EHD4: variants seen among roughly 807,000 people sequenced by gnomAD.
EHD4 encodes the protein EH domain containing 4.
EHD4 carries 37 observed loss-of-function variants against 51.0 expected under a neutral mutation model. That is an observed-to-expected ratio of 0.73 (90% CI 0.56 to 0.95). EHD4 has a LOEUF of 0.95. Among genes scored for constraint, EHD4 ranks in the 40% least tolerant of loss-of-function variants. EHD4 has a pLI of 0.00. For missense variants in EHD4, 632 were observed against 733.1 expected (o/e 0.86, Z 1.59); for synonymous variants, 297 against 317.3 (o/e 0.94, Z 0.68).
chr15:41,932,111 G>A (rs1195437108), intron 3 of EHD4, among the ~76,000 whole-genome samples: 4 of 152,164 alleles, frequency 2.6e-5, no homozygotes, highest in Non-Finnish European at 5.9e-5. Flanking sequence ...GTTTGTAACG[G>A]CAAAAGATTA....
rs150020471 is a variant in EHD4 at position 41,930,297 on chromosome 15, A to G, written c.512-10675T>C. On this transcript the variant is annotated intron_variant, in intron 3 of 5. Transcript: ENST00000220325. ...CTCATTTTTCAAGTGGGCTTTGTGT[A>G]TAAGTCAGGCTAGAAAGTCTCATAC... Among the ~76,000 whole-genome samples, 121 of 152,356 alleles carry G rather than the reference A, an allele frequency of 7.9e-4. 1 individual carries two copies. Among genetic ancestry groups the G allele is most frequent in the African/African-American group, 2.8e-3 (118 of 41,578 alleles).
At chr15:41,911,776 C>G (rs1225337674) in intron 4 of EHD4, among the ~76,000 whole-genome samples, 1 of 152,180 alleles carries the variant, frequency 6.6e-6, no homozygotes, top group East Asian at 1.9e-4. Flanking sequence ...CCACCCCCTT[C>G]CCTGCTCTGG....
intron 4 of EHD4, among the ~76,000 whole-genome samples, chr15:41,916,096 A>C (rs77055979): frequency 0.033 from 4,952 of 152,298 alleles, 284 homozygotes; most frequent in African/African-American, 0.11. Flanking sequence ...TCCACAACCC[A>C]ACTCAGACTT....
At chr15:41,928,312 C>A (rs1276355402) in intron 3 of EHD4, 1 of 152,166 alleles carries the variant, frequency 6.6e-6, no homozygotes, top group Non-Finnish European at 1.5e-5. Flanking sequence ...TTGCAACAAT[C>A]CCATGAAGTA....
chr15:41,954,074 A>G (rs2067870698), intron 1 of EHD4, 134 bp from the exon 2 acceptor site: 1 of 949,426 alleles, frequency 1.1e-6, no homozygotes, highest in African/African-American at 1.7e-5. Context: ...AAAAGCACGC[A>G]ATCCTCCTCT....
intron 3 of EHD4, chr15:41,928,548 T>C (rs771381437): frequency 1.3e-5 from 2 of 152,258 alleles, no homozygotes; most frequent in Non-Finnish European, 2.9e-5. Context: ...TGTGGTTTCC[T>C]AAGTGTTCTA....
At chr15:41,949,934 C>T (rs1223413011) in intron 2 of EHD4, among the ~76,000 whole-genome samples, 2 of 152,156 alleles carry the variant, frequency 1.3e-5, no homozygotes, top group Non-Finnish European at 2.9e-5. Flanking sequence ...CTGTCTCCTC[C>T]TCTGTGAGGG....
At chr15:41,964,654 G>A (rs1260834749) in intron 1 of EHD4, among the ~76,000 whole-genome samples, 2 of 151,698 alleles carry the variant, frequency 1.3e-5, no homozygotes, top group Admixed American at 6.6e-5. Flanking sequence ...TTTACTGGCA[G>A]TTTGGTGAAT....
At chr15:41,911,209 C>G (rs929949469) in intron 4 of EHD4, among the ~76,000 whole-genome samples, 2 of 152,134 alleles carry the variant, frequency 1.3e-5, no homozygotes, top group Non-Finnish European at 2.9e-5. Flanking sequence ...GCACAAGGGT[C>G]GTTTAACAGA....
chr15:41,913,353 A>T (rs1171218369), intron 4 of EHD4, among the ~76,000 whole-genome samples: 1 of 152,200 alleles, frequency 6.6e-6, no homozygotes, highest in Non-Finnish European at 1.5e-5. Context: ...AGGTGGAAAC[A>T]CTTGGGTCTT....
intron 5 of EHD4, among the ~76,000 whole-genome samples, chr15:41,907,089 A>G (rs1403953930): frequency 1.3e-5 from 2 of 152,082 alleles, no homozygotes; most frequent in Non-Finnish European, 2.9e-5. Flanking sequence ...TGCTCCCTAC[A>G]TTATCGGGCT....
chr15:41,936,059 C>T (rs573064742), intron 3 of EHD4, among the ~76,000 whole-genome samples: 9 of 152,314 alleles, frequency 5.9e-5, no homozygotes, highest in South Asian at 4.1e-4. Flanking sequence ...AGATGGCATT[C>T]GGCTTTCCAC....
chr15:41,971,016 T>G (rs1214973433), intron 1 of EHD4, among the ~76,000 whole-genome samples: 1 of 152,228 alleles, frequency 6.6e-6, no homozygotes, highest in African/African-American at 2.4e-5. Context: ...AATAAAGCAA[T>G]TTTGAAATTA....
chr15:41,939,335 A>T lies in EHD4; in HGVS notation c.511+3732T>A, dbSNP rs1194064415. On this transcript the variant is annotated intron_variant, in intron 3 of 5. Transcript: ENST00000220325. ...TATCCTTGCTTGATGGGAATTCAAC[A>T]CTTCACGTCAGCCAGGAAAGCTACA... Among the ~76,000 whole-genome samples the T allele has an allele frequency of 2.0e-5, 3 of 152,192 alleles. No individual in the cohort carries two copies. The East Asian group carries it at 5.8e-4, about 29-fold the overall frequency.
At chr15:41,929,458 C>T (rs1298867354) in intron 3 of EHD4, among the ~76,000 whole-genome samples, 9 of 152,234 alleles carry the variant, frequency 5.9e-5, no homozygotes, top group African/African-American at 1.7e-4. Flanking sequence ...GCCCACTGAA[C>T]GCTGCTGCTT....
intron 1 of EHD4, among the ~76,000 whole-genome samples, chr15:41,963,704 T>C (rs2067942700): frequency 6.6e-6 from 1 of 152,078 alleles, no homozygotes; most frequent in Non-Finnish European, 1.5e-5. Flanking sequence ...GGAAAAATTG[T>C]TAGATTTGAT....
chr15:41,901,269 C>A (rs748262374), intron 5 of EHD4, 88 bp from the exon 6 acceptor site: 2 of 1,409,040 alleles, frequency 1.4e-6, no homozygotes, highest in Non-Finnish European at 1.9e-6. Context: ...CTAATTCTGC[C>A]CCAGGCAGAC....
At chr15:41,970,173 T>C (rs2141012066) in intron 1 of EHD4, among the ~76,000 whole-genome samples, 1 of 152,218 alleles carries the variant, frequency 6.6e-6, no homozygotes, top group East Asian at 1.9e-4. Flanking sequence ...GCTAAATCAC[T>C]TCCTCCTAGC....
In EHD4 at chr15:41,898,718, T is replaced by A. The variant is rs904235213; in HGVS notation, c.*1927A>T. 5 of 152,158 alleles carry A rather than the reference T, an allele frequency of 3.3e-5. No individual in the cohort carries two copies. Among genetic ancestry groups the A allele is most frequent in the African/African-American group, 4.8e-5 (2 of 41,412 alleles). The allele number at this position is 152,158 out of a possible 1,614,324, so 9.4% of individuals were successfully genotyped here. On this transcript the variant is annotated 3_prime_UTR_variant, in exon 6 of 6. Coordinates refer to ENST00000220325, the MANE Select transcript of EHD4 (RefSeq NM_139265.4). Reference sequence around the variant, plus strand: ...CGGGCGTGGTGGCGGGTGCCTGTAGTCCCAGCTACTTGGGAGGCTGAGGCA... The same window carrying A: ...CGGGCGTGGTGGCGGGTGCCTGTAGACCCAGCTACTTGGGAGGCTGAGGCA...
Sources: gnomAD v4.1 joint callset for allele counts (sites outside exome capture counted in the v4.1 genomes callset) on GRCh38, gnomAD v4.1.1 for gene constraint, MANE v1.5 for transcripts, NCBI Gene and HGNC (gene_info 2026-07-23, HGNC 2026-07-21) for gene names.